PARN: variants seen among roughly 807,000 people sequenced by gnomAD.
PARN encodes the protein poly(A)-specific ribonuclease.
PARN carries 71 observed loss-of-function variants against 102.8 expected under a neutral mutation model. The ratio of observed to expected loss-of-function variants is 0.69; its 90% CI spans 0.57 to 0.84. The LOEUF is 0.84. PARN is among the 40% of genes least tolerant of loss of function. The pLI, the probability that PARN is intolerant of heterozygous loss-of-function variation, is 0.00. For missense variants in PARN, 782 were observed against 760.9 expected (o/e 1.03, Z -0.33); for synonymous variants, 261 against 252.9 (o/e 1.03, Z -0.30).
chr16:14,537,289 A>G (rs1966649804), intron 21 of PARN, among the ~76,000 whole-genome samples: 1 of 152,168 alleles, frequency 6.6e-6, no homozygotes, highest in African/African-American at 2.4e-5. Context: ...CAAAAAAATA[A>G]CACAGACTGG....
chr16:14,494,019 G>A (rs947174102), intron 21 of PARN, among the ~76,000 whole-genome samples: 4 of 152,130 alleles, frequency 2.6e-5, no homozygotes, highest in Admixed American at 6.5e-5. Context: ...GCATGGGTCC[G>A]CCTATATGCA....
intron 18 of PARN, among the ~76,000 whole-genome samples, chr16:14,557,115 T>C (rs1967740068): frequency 6.6e-6 from 1 of 152,214 alleles, no homozygotes; most frequent in South Asian, 2.1e-4. Context: ...GTAAGATTAT[T>C]TTAATGAGTT....
intron 22 of PARN, among the ~76,000 whole-genome samples, chr16:14,465,166 C>T (rs1962252111): frequency 1.3e-5 from 2 of 152,120 alleles, no homozygotes; most frequent in Non-Finnish European, 2.9e-5. Context: ...CTCCTGGGCT[C>T]AAGGGATCCT....
chr16:14,491,750 C>A (rs182490464), intron 21 of PARN, among the ~76,000 whole-genome samples: 267 of 151,948 alleles, frequency 1.8e-3, no homozygotes, highest in African/African-American at 6.1e-3. Flanking sequence ...CCAGCCTGCG[C>A]AAGAGAGTAA....
chr16:14,595,147 G>A (rs1224421244), intron 12 of PARN, among the ~76,000 whole-genome samples: 1 of 152,180 alleles, frequency 6.6e-6, no homozygotes, highest in African/African-American at 2.4e-5. Context: ...CTTCTCGCGA[G>A]GTATGGGTTA....
chr16:14,494,261 G>A (rs1411958172), intron 21 of PARN, among the ~76,000 whole-genome samples: 1 of 152,156 alleles, frequency 6.6e-6, no homozygotes, highest in Non-Finnish European at 1.5e-5. Context: ...ATTCATTCAT[G>A]AACAAACTAT....
chr16:14,629,535 G>A (rs777800190), intron 2 of PARN, 62 bp downstream of exon 2: 2 of 1,199,240 alleles, frequency 1.7e-6, no homozygotes, highest in Non-Finnish European at 2.5e-6. Flanking sequence ...GGGGCTGGGG[G>A]ATTGAAGGAG....
At chr16:14,599,792 G>C in intron 12 of PARN, 112 bp downstream of exon 12, 1 of 660,344 alleles carries the variant, frequency 1.5e-6, no homozygotes, top group South Asian at 2.2e-5. Flanking sequence ...TTCTTAGAAT[G>C]TTCTAGGTAA....
At chr16:14,532,288 A>G (rs1966385092) in intron 21 of PARN, among the ~76,000 whole-genome samples, 1 of 151,136 alleles carries the variant, frequency 6.6e-6, no homozygotes, top group Admixed American at 6.6e-5. Flanking sequence ...CAAGTGAACG[A>G]AGTTCTCTGG....
At chr16:14,603,866 C>A (rs1971021243) in intron 11 of PARN, among the ~76,000 whole-genome samples, 1 of 152,192 alleles carries the variant, frequency 6.6e-6, no homozygotes, top group African/African-American at 2.4e-5. Context: ...GATAGTGACA[C>A]TCAGTGACAC....
intron 23 of PARN, among the ~76,000 whole-genome samples, chr16:14,439,879 G>C (rs1960872029): frequency 6.6e-6 from 1 of 152,182 alleles, no homozygotes; most frequent in Admixed American, 6.5e-5. Context: ...GCTGGGCGTG[G>C]TGGCAGGCGC....
intron 18 of PARN, among the ~76,000 whole-genome samples, chr16:14,559,763 C>T (rs1158626449): frequency 1.3e-5 from 2 of 151,668 alleles, no homozygotes; most frequent in East Asian, 3.9e-4. Context: ...TTATTAATAG[C>T]ACTTCTCACT....
intron 18 of PARN, among the ~76,000 whole-genome samples, chr16:14,571,486 T>C (rs553791205): frequency 2.4e-4 from 36 of 152,342 alleles, no homozygotes; most frequent in Non-Finnish European, 3.2e-4. Context: ...ATTATTTAGT[T>C]ACATGTAGGT....
intron 18 of PARN, among the ~76,000 whole-genome samples, chr16:14,556,062 T>G (rs1292298884): frequency 6.6e-6 from 1 of 151,988 alleles, no homozygotes; most frequent in African/African-American, 2.4e-5. Context: ...CTTGAACTCC[T>G]GGCCTCAAGT....
At chr16:14,516,576 A>G (rs1032997168) in intron 21 of PARN, among the ~76,000 whole-genome samples, 1 of 152,232 alleles carries the variant, frequency 6.6e-6, no homozygotes, top group Non-Finnish European at 1.5e-5. Flanking sequence ...CATATTTAAG[A>G]TTCTCAAAGA....
rs181037362 is a variant in PARN, at chr16:14,627,237, C to T, written c.245+32G>A. On this transcript the variant is annotated intron_variant, in intron 4 of 23. Coordinates refer to ENST00000437198, the MANE Select transcript of PARN (RefSeq NM_002582.4). ...AGGAGGTGACATTGTGCCACAAAAA[C>T]GGAATTCCCAACGTTTGTTAACACA... 6.7e-5 allele frequency: 106 copies of T among 1,581,728 alleles called. 1 individual carries two copies. Among genetic ancestry groups the T allele is most frequent in the Admixed American group, 3.2e-4 (18 of 56,562 alleles).
chr16:14,493,381 G>A (rs1964153745), intron 21 of PARN, among the ~76,000 whole-genome samples: 2 of 152,014 alleles, frequency 1.3e-5, no homozygotes, highest in Non-Finnish European at 2.9e-5. Flanking sequence ...ACACCTGGCT[G>A]ATTTTTGTAT....
intron 21 of PARN, among the ~76,000 whole-genome samples, chr16:14,516,109 A>C (rs891579616): frequency 6.6e-6 from 1 of 152,082 alleles, no homozygotes; most frequent in Non-Finnish European, 1.5e-5. Flanking sequence ...AAAAAATACA[A>C]GAATAAAAAA....
At position 14,584,378 on chromosome 16, in the gene PARN, T is replaced by A; in HGVS notation, c.1050A>T (p.Leu350Phe). 1 of 1,612,962 alleles carries A rather than the reference T, an allele frequency of 6.2e-7. No individual in the cohort carries two copies. The highest frequency in any genetic ancestry group is 8.5e-7 in the Non-Finnish European group (1 of 1,179,062). The change falls in exon 16 of 24, where the codon TTA becomes TTT. Residue 350 changes from leucine to phenylalanine, a missense_variant. Physicochemically the swap from Leu to Phe is conservative, Grantham distance 22 (BLOSUM62 0). Coordinates refer to ENST00000437198, the MANE Select transcript of PARN (RefSeq NM_002582.4). ...NTSLAELEKR[L>F]KETPFNPPKV... is the part of the protein sequence containing the mutation. ...TAGGAGGGTTGAAAGGTGTCTCTTTTAACCGCTTTTCCAATTCCGCAAGGG... is the reference window on the plus strand; with the variant it reads ...TAGGAGGGTTGAAAGGTGTCTCTTTAAACCGCTTTTCCAATTCCGCAAGGG...
Sources: gnomAD v4.1 joint callset for allele counts (sites outside exome capture counted in the v4.1 genomes callset) on GRCh38, gnomAD v4.1.1 for gene constraint, MANE v1.5 for transcripts, NCBI Gene and HGNC (gene_info 2026-07-23, HGNC 2026-07-21) for gene names.